RHOJ: variants seen among roughly 807,000 people sequenced by gnomAD.
The protein encoded by RHOJ is ras homolog family member J.
RHOJ carries 11 observed loss-of-function variants against 23.4 expected under a neutral mutation model. That is an observed-to-expected ratio of 0.47 (90% CI 0.30 to 0.78). The LOEUF is 0.78. RHOJ is among the 30% of genes least tolerant of loss of function. The probability of loss-of-function intolerance (pLI) is 0.08; values close to 1 mark genes in which losing one functional copy is unlikely to be tolerated. For missense variants in RHOJ, 254 were observed against 273.4 expected (o/e 0.93, Z 0.50); for synonymous variants, 102 against 102.7 (o/e 0.99, Z 0.04).
intron 2 of RHOJ, among the ~76,000 whole-genome samples, chr14:63,271,813 G>A (rs560118059): frequency 2.6e-5 from 4 of 152,174 alleles, no homozygotes; most frequent in African/African-American, 9.6e-5. Flanking sequence ...GCCCAGGCTC[G>A]TCTCAAACTC....
intron 1 of RHOJ, among the ~76,000 whole-genome samples, chr14:63,255,649 A>G (rs1161631731): frequency 7.1e-6 from 1 of 140,666 alleles, no homozygotes; most frequent in Non-Finnish European, 1.5e-5. Flanking sequence ...AAACAGCTCC[A>G]GCCCTGCTTG....
At chr14:63,277,876 G>C (rs531972566) in intron 2 of RHOJ, among the ~76,000 whole-genome samples, 3 of 151,912 alleles carry the variant, frequency 2.0e-5, no homozygotes, top group Non-Finnish European at 4.4e-5. Context: ...TGGAAGAGGA[G>C]GTTTGTTTTT....
chr14:63,246,455 G>A (rs1026826087), intron 1 of RHOJ, among the ~76,000 whole-genome samples: 3 of 152,188 alleles, frequency 2.0e-5, no homozygotes, highest in African/African-American at 7.2e-5. Flanking sequence ...ACAAACTGGT[G>A]TTCTATTCTC....
Position 63,249,017 on chromosome 14 carries a change from A to T in RHOJ, c.179-20093A>T, listed in dbSNP as rs17100907. 4.6e-3 allele frequency among the ~76,000 whole-genome samples: 707 copies of T among 152,332 alleles called. 2 individuals carry two copies. Among genetic ancestry groups the T allele is most frequent in the African/African-American group, 0.016 (676 of 41,574 alleles). On this transcript the variant is annotated intron_variant, in intron 1 of 4. Transcript: ENST00000316754. ...TGACTCAGGTCATGTACCAGTGCCT[A>T]AGCAATCAATGTGATCAAGGACATG...
chr14:63,274,010 T>G (rs1881633726), intron 2 of RHOJ, among the ~76,000 whole-genome samples: 1 of 152,204 alleles, frequency 6.6e-6, no homozygotes, highest in African/African-American at 2.4e-5. Context: ...AGCCCCTCAC[T>G]CGCCCAGGGC....
chr14:63,280,259 A>G (rs897338627), intron 2 of RHOJ, among the ~76,000 whole-genome samples: 4 of 152,164 alleles, frequency 2.6e-5, no homozygotes, highest in African/African-American at 9.7e-5. Context: ...TCAAGGAATC[A>G]GGTGATCCTC....
intron 2 of RHOJ, among the ~76,000 whole-genome samples, chr14:63,271,769 G>GT (rs952647370): frequency 3.1e-4 from 47 of 151,906 alleles, no homozygotes; most frequent in African/African-American, 6.0e-4. Context: ...TAATTTTTGT[G>GT]TTTTTTTTCT....
Position 63,291,118 on chromosome 14 carries a change from A to C in RHOJ, c.*94A>C. On this transcript the variant is annotated 3_prime_UTR_variant, in exon 5 of 5. Coordinates refer to ENST00000316754, the MANE Select transcript of RHOJ (RefSeq NM_020663.5). ...CAGCCAAAAAGGAGGGCACGACCAG[A>C]AAGGAACTCCCTTTGCACGGAGGCT... 1 of 1,426,886 alleles carries C rather than the reference A, an allele frequency of 7.0e-7. No homozygotes were observed. Among genetic ancestry groups the C allele is most frequent in the Non-Finnish European group, 9.8e-7 (1 of 1,020,718 alleles). The allele number at this position is 1,426,886 out of a possible 1,614,324, so 88.4% of individuals were successfully genotyped here.
intron 4 of RHOJ, among the ~76,000 whole-genome samples, chr14:63,287,146 C>T (rs780280180): frequency 8.5e-5 from 13 of 152,172 alleles, no homozygotes; most frequent in Admixed American, 6.5e-5. Context: ...TTACTATATC[C>T]GTAACAGCTT....
intron 1 of RHOJ, among the ~76,000 whole-genome samples, chr14:63,264,855 A>G (rs566476228): frequency 1.3e-5 from 2 of 152,290 alleles, no homozygotes; most frequent in East Asian, 3.9e-4. Flanking sequence ...TCTTTATTAA[A>G]AAGTTTTTTG....
At chr14:63,271,632 T>C (rs1895471731) in intron 2 of RHOJ, among the ~76,000 whole-genome samples, 1 of 152,234 alleles carries the variant, frequency 6.6e-6, no homozygotes, top group Non-Finnish European at 1.5e-5. Flanking sequence ...TTCACTCCCA[T>C]CACCCAGGCT....
rs567025780 is a variant in RHOJ at position 63,283,845 on chromosome 14, G to A, written c.498+629G>A. On this transcript the variant is annotated intron_variant, in intron 4 of 4. Transcript: ENST00000316754. ...TTCCTTCTTGAGAGCTTAACATGAA[G>A]AGTTAAGAAAATGCTTTAGAAAGTT... 2.0e-5 allele frequency among the ~76,000 whole-genome samples: 3 copies of A among 152,310 alleles called. No individual in the cohort carries two copies. The South Asian group carries it at 6.2e-4, about 32-fold the overall frequency.
intron 1 of RHOJ, among the ~76,000 whole-genome samples, chr14:63,260,067 T>C (rs1259517193): frequency 1.3e-5 from 2 of 152,226 alleles, no homozygotes; most frequent in Non-Finnish European, 2.9e-5. Flanking sequence ...AAATATTCAC[T>C]TGGCTAGTTT....
At chr14:63,290,191 A>G (rs1882202926) in intron 4 of RHOJ, among the ~76,000 whole-genome samples, 1 of 152,242 alleles carries the variant, frequency 6.6e-6, no homozygotes, top group African/African-American at 2.4e-5. Context: ...TGCAGAGTTA[A>G]GATGGTGCCA....
At position 63,225,960 on chromosome 14, in the gene RHOJ, A is replaced by G. The variant is rs557617253; in HGVS notation, c.178+20913A>G. On this transcript the variant is annotated intron_variant, in intron 1 of 4. Coordinates refer to ENST00000316754, the MANE Select transcript of RHOJ (RefSeq NM_020663.5). ...TGGAGCCATATTTTTCTGAAGACATAGTCTTTGTAACAATTGAAAGTATCA... is the reference window on the plus strand; with the variant it reads ...TGGAGCCATATTTTTCTGAAGACATGGTCTTTGTAACAATTGAAAGTATCA... Among the ~76,000 whole-genome samples, 292 of 152,312 alleles carry G rather than the reference A, an allele frequency of 1.9e-3. 1 individual carries two copies. The highest frequency in any genetic ancestry group is 6.8e-3 in the African/African-American group (283 of 41,578).
chr14:63,217,094 T>C (rs1368598308), intron 1 of RHOJ, among the ~76,000 whole-genome samples: 1 of 22,778 alleles, frequency 4.4e-5, no homozygotes, highest in African/African-American at 6.1e-5. Flanking sequence ...TCTTTTTTTT[T>C]TTATTATTAT....
chr14:63,252,005 G>T (rs921838033), intron 1 of RHOJ, among the ~76,000 whole-genome samples: 1 of 151,934 alleles, frequency 6.6e-6, no homozygotes, highest in African/African-American at 2.4e-5. Context: ...AGAATCACCC[G>T]AACCCAGGAG....
chr14:63,210,391 T>C (rs892870667), intron 1 of RHOJ, among the ~76,000 whole-genome samples: 2 of 152,232 alleles, frequency 1.3e-5, no homozygotes, highest in African/African-American at 4.8e-5. Context: ...TTTGGGTGCC[T>C]CACTCAAACT....
rs535521914 is a variant in RHOJ, at chr14:63,272,862, A to G, written c.237+3694A>G. Among the ~76,000 whole-genome samples the G allele has an allele frequency of 1.1e-3, 161 of 152,240 alleles. 3 individuals carry two copies. The South Asian group carries it at 0.013, about 12-fold the overall frequency. The stretch of plus-strand genomic sequence containing the variant: ...AATACGGTGAAACCCCATCTCTACT[A>G]AAAATACAAAATTAGCCGAGCATGG... On this transcript the variant is annotated intron_variant, in intron 2 of 4. Coordinates refer to ENST00000316754, the MANE Select transcript of RHOJ (RefSeq NM_020663.5).
Sources: gnomAD v4.1 joint callset for allele counts (sites outside exome capture counted in the v4.1 genomes callset) on GRCh38, gnomAD v4.1.1 for gene constraint, MANE v1.5 for transcripts, NCBI Gene and HGNC (gene_info 2026-07-23, HGNC 2026-07-21) for gene names.